FPGT: variants seen among roughly 807,000 people sequenced by gnomAD.
FPGT encodes fucose-1-phosphate guanylyltransferase, also known as GDP-L-fucose diphosphorylase.
FPGT carries 41 observed loss-of-function variants against 45.8 expected under a neutral mutation model. That is an observed-to-expected ratio of 0.90 (90% CI 0.70 to 1.16). The LOEUF (loss-of-function observed/expected upper bound fraction) is 1.16. Ranked by LOEUF, FPGT falls within the 50% of genes most tolerant of loss-of-function variation. The pLI is 0.00. For synonymous variants in FPGT, 292 were observed against 247.2 expected (o/e 1.18, Z -1.70); for missense variants, 755 against 689.1 (o/e 1.10, Z -1.07).
intron 3 of FPGT, among the ~76,000 whole-genome samples, chr1:74,203,358 A>C (rs1325640020): frequency 6.6e-6 from 1 of 151,370 alleles, no homozygotes; most frequent in Admixed American, 6.6e-5. Flanking sequence ...TTAGTATATT[A>C]GTTTTCTATA....
chr1:74,203,728 G>A (rs1020277143), intron 3 of FPGT, among the ~76,000 whole-genome samples: 1 of 151,586 alleles, frequency 6.6e-6, no homozygotes, highest in Non-Finnish European at 1.5e-5. Context: ...GTCTAAACAT[G>A]GTTGAAATTT....
At chr1:74,198,992 T>G (rs1057295140) in intron 1 of FPGT, among the ~76,000 whole-genome samples, 1 of 152,228 alleles carries the variant, frequency 6.6e-6, no homozygotes, top group African/African-American at 2.4e-5. Context: ...ACAAGTTCTG[T>G]TTGTTAACTA....
At position 74,205,365 on chromosome 1, in the gene FPGT, T is replaced by C. The variant is rs1355357889; in HGVS notation, c.1318T>C (p.Tyr440His). ...GGAAAACTGCATTATTAGTGGTTCTTACATCCTAACAAAAGCTGCCCTCCC... is the reference window on the plus strand; with the variant it reads ...GGAAAACTGCATTATTAGTGGTTCTCACATCCTAACAAAAGCTGCCCTCCC... ...VGENCIISGSYILTKAALPAH... is the reference protein window; with the variant it reads ...VGENCIISGSHILTKAALPAH... Residue 440 changes from tyrosine to histidine, a missense_variant, in exon 4 of 4, where the codon TAC (tyrosine) becomes CAC (histidine). Tyr to His is a moderately conservative substitution (Grantham distance 83). Coordinates refer to ENST00000370898, the MANE Select transcript of FPGT (RefSeq NM_003838.5). The C allele has an allele frequency of 1.2e-6, 2 of 1,614,152 alleles. No homozygotes were observed. The highest frequency in any genetic ancestry group is 2.2e-5 in the East Asian group (1 of 44,882).
rs2100784927 is a variant in FPGT at position 74,208,281 on chromosome 1, T to C, written c.*2449T>C. Among the ~76,000 whole-genome samples, 1 of 151,860 alleles carries C rather than the reference T, an allele frequency of 6.6e-6. No individual in the cohort carries two copies. Among genetic ancestry groups the C allele is most frequent in the South Asian group, 2.1e-4 (1 of 4,808 alleles). Reference sequence around the variant, plus strand: ...TAAATTTAATCCCTGAATAATGCAGTGTACATGATGATAGAGGAGAAGTGT... The same window carrying C: ...TAAATTTAATCCCTGAATAATGCAGCGTACATGATGATAGAGGAGAAGTGT... On this transcript the variant is annotated 3_prime_UTR_variant, in exon 4 of 4. Coordinates refer to ENST00000370898, the MANE Select transcript of FPGT (RefSeq NM_003838.5).
At chr1:74,200,130 C>T (rs1043313219) in intron 2 of FPGT, among the ~76,000 whole-genome samples, 5 of 152,128 alleles carry the variant, frequency 3.3e-5, no homozygotes, top group African/African-American at 9.7e-5. Flanking sequence ...CAGTAGAACC[C>T]TTGAGGTCCT....
rs1006918270 is a variant in FPGT, at chr1:74,206,388, A to G, written c.*556A>G. ...GATACAAAGACCTCTGAAATTGATG[A>G]TAAAATTTGTATCTCATTAATTTTA... is the stretch of plus-strand genomic sequence containing the variant. On this transcript the variant is annotated 3_prime_UTR_variant, in exon 4 of 4. Transcript: ENST00000370898. 2 of 152,174 alleles carry G rather than the reference A, an allele frequency of 1.3e-5. No individual in the cohort carries two copies. The highest frequency in any genetic ancestry group is 2.9e-5 in the Non-Finnish European group (2 of 67,992). 9.4% of individuals were successfully genotyped at this position (152,174 alleles called of 1,614,324 possible).
At chr1:74,202,519 A>AT (rs1314886078) in intron 3 of FPGT, among the ~76,000 whole-genome samples, 3 of 152,018 alleles carry the variant, frequency 2.0e-5, no homozygotes, top group Non-Finnish European at 4.4e-5. Context: ...TTTTATTTTT[A>AT]TTTTTTGGAA....
At position 74,199,839 on chromosome 1, in the gene FPGT, CT is replaced by C; in HGVS notation, c.250+11del. 6.2e-7 allele frequency: 1 copy of C among 1,612,168 alleles called. No individual in the cohort carries two copies. Among genetic ancestry groups the C allele is most frequent in the Non-Finnish European group, 8.5e-7 (1 of 1,179,456 alleles). On this transcript the variant is annotated intron_variant, in intron 2 of 3. Coordinates refer to ENST00000370898, the MANE Select transcript of FPGT (RefSeq NM_003838.5). ...CTGCTGGAGCCAAAATTGGTACGCG[CT>C]TTATGGTCAGTTTTATAATATAGGT...
At position 74,205,185 on chromosome 1, in the gene FPGT, G is replaced by A. The variant is rs748992201; in HGVS notation, c.1138G>A (p.Gly380Ser). The change falls in exon 4 of 4, where the codon GGC becomes AGC. Residue 380 changes from glycine (G) to serine (S), a missense_variant. Transcript: ENST00000370898. ...AGATAACAGTTTAAAGTCAGAGCTC[G>A]GCTTACAGTCCATAACTTTTAGTAT... is the stretch of plus-strand genomic sequence containing the variant. ...TSDNSLKSEL[G>S]LQSITFSIFP... 2.5e-6 allele frequency: 4 copies of A among 1,613,834 alleles called. No individual in the cohort carries two copies. Among genetic ancestry groups the A allele is most frequent in the South Asian group, 1.1e-5 (1 of 91,050 alleles).
rs1369072235 is a variant in FPGT at position 74,198,264 on chromosome 1, A to T, written c.-15A>T. On this transcript the variant is annotated 5_prime_UTR_variant, in exon 1 of 4. Transcript: ENST00000370898. The stretch of plus-strand genomic sequence containing the variant: ...CATGCGTGCTGTGCGGCGCGGTCTC[A>T]GGGAAGGTGGGGCTATGGCAGCTGC... 2 of 1,612,958 alleles carry T rather than the reference A, an allele frequency of 1.2e-6. No individual in the cohort carries two copies. Among genetic ancestry groups the T allele is most frequent in the East Asian group, 2.2e-5 (1 of 44,840 alleles).
intron 2 of FPGT, chr1:74,200,894 A>T (rs565447735): frequency 1.3e-5 from 2 of 155,144 alleles, no homozygotes; most frequent in South Asian, 4.0e-4. Context: ...TGGGAATCCA[A>T]GTTCTAAAAA....
At chr1:74,198,482 C>G in intron 1 of FPGT, 122 bp downstream of exon 1, 1 of 1,341,338 alleles carries the variant, frequency 7.5e-7, no homozygotes, top group East Asian at 2.5e-5. Context: ...ATGACGCTCC[C>G]CAGGAGTAGC....
rs756359056 is a variant in FPGT, at chr1:74,205,632, C to T, written c.1585C>T (p.Pro529Ser). The T allele has an allele frequency of 1.7e-5, 27 of 1,611,760 alleles. No homozygotes were observed. The highest frequency in any genetic ancestry group is 2.3e-5 in the Non-Finnish European group (27 of 1,178,052). ...CLSLWTARIF[P>S]VCSSLSDSVI... ...GAGTTTGTGGACTGCACGCATTTTC[C>T]CAGTTTGTTCTTCTTTGAGTGACTC... Residue 529 changes from proline (P) to serine (S), a missense_variant, in exon 4 of 4, where the codon CCA (proline) becomes TCA (serine). By Grantham distance (74) the Pro-to-Ser change is moderately conservative. Transcript: ENST00000370898.
chr1:74,204,316 A>G, intron 3 of FPGT, 75 bp from the exon 4 acceptor site: 4 of 1,031,338 alleles, frequency 3.9e-6, no homozygotes, highest in Non-Finnish European at 5.5e-6. Context: ...CTTATGGGTT[A>G]TAAAACCCTG....
Position 74,198,431 on chromosome 1 carries a change from G to T in FPGT, c.82+71G>T, listed in dbSNP as rs745885732. 20 of 1,582,172 alleles carry T rather than the reference G, an allele frequency of 1.3e-5. No homozygotes were observed. In the Admixed American group the frequency reaches 3.5e-4, roughly 27 times the overall value. On this transcript the variant is annotated intron_variant, in intron 1 of 3. Coordinates refer to ENST00000370898, the MANE Select transcript of FPGT (RefSeq NM_003838.5). ...GGTGCTTTTACGTGCCAGGAGGTTTGCTGGACTGTCACTTCCCGTTTACTT... is the reference window on the plus strand; with the variant it reads ...GGTGCTTTTACGTGCCAGGAGGTTTTCTGGACTGTCACTTCCCGTTTACTT...
In FPGT at chr1:74,204,724, G is replaced by A. The variant is rs369079941; in HGVS notation, c.677G>A (p.Arg226His). Residue 226 changes from arginine (R) to histidine (H), a missense_variant, in exon 4 of 4, where the codon CGT becomes CAT. Arg to His is a conservative substitution (Grantham distance 29, BLOSUM62 0). Coordinates refer to ENST00000370898, the MANE Select transcript of FPGT (RefSeq NM_003838.5). ...GACCTTGAATACAGGTCTTGCCATC[G>A]TTTCCTTCATAAGCCCAGCATAGAA... ...HRDLEYRSCHRFLHKPSIEKM... is the reference protein window; with the variant it reads ...HRDLEYRSCHHFLHKPSIEKM... 52 of 1,613,824 alleles carry A rather than the reference G, an allele frequency of 3.2e-5. No individual in the cohort carries two copies. Among genetic ancestry groups the A allele is most frequent in the East Asian group, 2.0e-4 (9 of 44,892 alleles).
In FPGT at chr1:74,198,359, A is replaced by G. The variant is rs1651410248; in HGVS notation, c.81A>G (p.Arg27=). The change falls in exon 1 of 4, where the codon AGA becomes AGG. Residue 27 remains arginine, a splice_region_variant and synonymous_variant. Coordinates refer to ENST00000370898, the MANE Select transcript of FPGT (RefSeq NM_003838.5). ...QRKLRRFSEL[R]GKLVARGEFW... ...AATTGCGGAGGTTTTCCGAGCTAAGAGGTACCAGAGAAGGCACCGGAGTTC... is the reference window on the plus strand; with the variant it reads ...AATTGCGGAGGTTTTCCGAGCTAAGGGGTACCAGAGAAGGCACCGGAGTTC... 4 of 1,614,022 alleles carry G rather than the reference A, an allele frequency of 2.5e-6. No individual in the cohort carries two copies. The highest frequency in any genetic ancestry group is 2.5e-6 in the Non-Finnish European group (3 of 1,180,020).
intron 2 of FPGT, 146 bp downstream of exon 2, chr1:74,199,977 T>C (rs1366773791): frequency 2.1e-6 from 2 of 955,892 alleles, no homozygotes; most frequent in Non-Finnish European, 2.9e-6. Flanking sequence ...ATTGACTTTT[T>C]TTAGAAAGAT....
intron 3 of FPGT, 99 bp downstream of exon 3, chr1:74,201,509 T>A: frequency 9.7e-6 from 7 of 724,572 alleles, no homozygotes; most frequent in Non-Finnish European, 1.3e-5. Context: ...CCTTCTTTTT[T>A]AAAAGAATCT....
Sources: gnomAD v4.1 joint callset for allele counts (sites outside exome capture counted in the v4.1 genomes callset) on GRCh38, gnomAD v4.1.1 for gene constraint, MANE v1.5 for transcripts, NCBI Gene and HGNC (gene_info 2026-07-23, HGNC 2026-07-21) for gene names.